LCP1: variants seen among roughly 807,000 people sequenced by gnomAD.
LCP1 encodes lymphocyte cytosolic protein 1, also known as plastin-2.
A neutral mutation model predicts 72.0 loss-of-function variants in LCP1; 23 were observed. That is an observed-to-expected ratio of 0.32 (90% CI 0.23 to 0.45). LCP1 has a LOEUF of 0.45. LCP1 is among the 20% of genes least tolerant of loss of function. The pLI is 1.00. For synonymous variants in LCP1, 245 were observed against 275.4 expected (o/e 0.89, Z 1.09); for missense variants, 571 against 748.3 (o/e 0.76, Z 2.76).
Position 46,143,280 on chromosome 13 carries a change from C to A in LCP1, c.1368+10G>T. On this transcript the variant is annotated intron_variant, in intron 12 of 15. Transcript: ENST00000323076. ...CTGTCTCCTGGAACAACAGAACCAT[C>A]ATTGTTTACCTTCTTCATATTGCCT... The A allele has an allele frequency of 6.3e-7, 1 of 1,585,642 alleles. No homozygotes were observed. Among genetic ancestry groups the A allele is most frequent in the South Asian group, 1.1e-5 (1 of 90,470 alleles).
Position 46,182,091 on chromosome 13 carries a change from A to G in LCP1, c.-25+20T>C, listed in dbSNP as rs2045958814. The G allele has an allele frequency of 6.6e-6, 1 of 152,260 alleles. No individual in the cohort carries two copies. The highest frequency in any genetic ancestry group is 1.5e-5 in the Non-Finnish European group (1 of 68,066). The allele number at this position is 152,260 out of a possible 1,614,324, so 9.4% of individuals were successfully genotyped here. A position where few individuals can be genotyped will look rare whatever the true frequency, so the allele number is the denominator to read the frequency against. On this transcript the variant is annotated intron_variant, in intron 1 of 15. Transcript: ENST00000323076. The stretch of plus-strand genomic sequence containing the variant: ...ATCACAAGCGCTTAAAACCAACAAA[A>G]ACACATGAAGAACATTTACCTTGCA...
intron 13 of LCP1, among the ~76,000 whole-genome samples, chr13:46,134,472 C>T (rs1245616835): frequency 6.6e-6 from 1 of 151,916 alleles, no homozygotes; most frequent in Non-Finnish European, 1.5e-5. Context: ...AAGCAGATAC[C>T]TCCTTTCTAA....
At position 46,148,406 on chromosome 13, in the gene LCP1, T is replaced by C; in HGVS notation, c.924A>G (p.Pro308=). 1 of 1,613,168 alleles carries C rather than the reference T, an allele frequency of 6.2e-7. No homozygotes were observed. Among genetic ancestry groups the C allele is most frequent in the Non-Finnish European group, 8.5e-7 (1 of 1,179,892 alleles). The change falls in exon 9 of 16, where the codon CCA becomes CCG. Residue 308 remains proline, a synonymous_variant. Coordinates refer to ENST00000323076, the MANE Select transcript of LCP1 (RefSeq NM_002298.5). ...AYYHLLEQVA[P]KGDEEGVPAV... is the part of the protein sequence containing the mutation. ...CAGGAACACCTTCTTCATCTCCTTT[T>C]GGAGCCACCTGCTCAAGCAGGTGGT...
chr13:46,154,707 G>A (rs560318764), intron 6 of LCP1, 98 bp downstream of exon 6: 15 of 943,000 alleles, frequency 1.6e-5, no homozygotes, highest in South Asian at 1.1e-4. Flanking sequence ...TGGGTTTTGC[G>A]AATGATGTCT....
intron 15 of LCP1, among the ~76,000 whole-genome samples, chr13:46,127,991 T>C (rs1403363938): frequency 7.0e-6 from 1 of 142,222 alleles, no homozygotes; most frequent in African/African-American, 2.6e-5. Context: ...TCCTGCCTTT[T>C]TTTTAAGTTA....
Position 46,148,411 on chromosome 13 carries a change from C to G in LCP1, c.919G>C (p.Ala307Pro). Reference protein sequence around the residue: ...KAYYHLLEQVAPKGDEEGVPA... With the variant: ...KAYYHLLEQVPPKGDEEGVPA... ...ACACCTTCTTCATCTCCTTTTGGAG[C>G]CACCTGCTCAAGCAGGTGGTAATAA... Residue 307 changes from alanine to proline, a missense_variant, in exon 9 of 16, where the codon GCT becomes CCT. Ala to Pro is a conservative substitution (Grantham distance 27). Coordinates refer to ENST00000323076, the MANE Select transcript of LCP1 (RefSeq NM_002298.5). 6.2e-7 allele frequency: 1 copy of G among 1,612,888 alleles called. No homozygotes were observed. The highest frequency in any genetic ancestry group is 2.2e-5 in the East Asian group (1 of 44,880).
Position 46,151,003 on chromosome 13 carries a change from C to G in LCP1, c.815G>C (p.Arg272Thr). ...MKLSPEELLL[R>T]WANYHLENAG... ...ATTTTCCAGGTGGTAATTAGCCCAC[C>G]TCAGCAAGAGCTCTTCAGGGGAGAG... The change falls in exon 8 of 16, where the codon AGG becomes ACG. Residue 272 changes from arginine to threonine, a missense_variant. By Grantham distance (71) the Arg-to-Thr change is moderately conservative (BLOSUM62 -1). Transcript: ENST00000323076. The G allele has an allele frequency of 1.9e-6, 3 of 1,614,028 alleles. No individual in the cohort carries two copies. Among genetic ancestry groups the G allele is most frequent in the Non-Finnish European group, 2.5e-6 (3 of 1,179,938 alleles).
Position 46,148,566 on chromosome 13 carries a change from A to G in LCP1, c.883-119T>C, listed in dbSNP as rs1295369053. The G allele has an allele frequency of 3.5e-5, 20 of 564,696 alleles. No homozygotes were observed. In the Admixed American group the frequency reaches 4.9e-4, roughly 14 times the overall value. 35.0% of individuals were successfully genotyped at this position (564,696 alleles called of 1,614,324 possible). ...ATATTCAGCTATCATTCCAGAATGTAACTTAACAAAGCTAGAAACATTCAC... is the reference window on the plus strand; with the variant it reads ...ATATTCAGCTATCATTCCAGAATGTGACTTAACAAAGCTAGAAACATTCAC... On this transcript the variant is annotated intron_variant, in intron 8 of 15. Coordinates refer to ENST00000323076, the MANE Select transcript of LCP1 (RefSeq NM_002298.5).
intron 1 of LCP1, among the ~76,000 whole-genome samples, chr13:46,177,924 T>A (rs202176950): frequency 6.6e-6 from 1 of 151,700 alleles, no homozygotes; most frequent in Admixed American, 6.6e-5. Flanking sequence ...ATAATTTGTT[T>A]ATAAAAGCAC....
At chr13:46,170,813 G>A (rs1256376165) in intron 1 of LCP1, among the ~76,000 whole-genome samples, 2 of 152,172 alleles carry the variant, frequency 1.3e-5, no homozygotes, top group Non-Finnish European at 2.9e-5. Flanking sequence ...GCTTTGGCCT[G>A]TTGAGTAGGG....
chr13:46,142,844 A>G (rs1443991361), intron 12 of LCP1: 2 of 441,908 alleles, frequency 4.5e-6, no homozygotes, highest in African/African-American at 2.0e-5. Context: ...CTACGCATGG[A>G]TCATTAACAG....
In LCP1 at chr13:46,157,732, A is replaced by G. The variant is rs115682109; in HGVS notation, c.358+790T>C. ...TAGCAACTATAGATGGTATTTAATC[A>G]TGACTTATCTTTTTTTTTTTTTTTT... On this transcript the variant is annotated intron_variant, in intron 4 of 15. Coordinates refer to ENST00000323076, the MANE Select transcript of LCP1 (RefSeq NM_002298.5). 5.8e-3 allele frequency among the ~76,000 whole-genome samples: 860 copies of G among 148,932 alleles called. 6 individuals are homozygous for G. Among genetic ancestry groups the G allele is most frequent in the African/African-American group, 0.021 (830 of 40,192 alleles).
chr13:46,138,597 G>A (rs1303274309), intron 13 of LCP1, among the ~76,000 whole-genome samples: 6 of 152,104 alleles, frequency 3.9e-5, no homozygotes, highest in East Asian at 1.9e-4. Context: ...ATTGCAAGAC[G>A]TTTTTCAGAT....
chr13:46,150,813 C>T, intron 8 of LCP1, 123 bp downstream of exon 8: 1 of 1,108,430 alleles, frequency 9.0e-7, no homozygotes, highest in Non-Finnish European at 1.3e-6. Context: ...ACCTCCAAAA[C>T]AGCACCAGAC....
At chr13:46,179,984 CTCTT>C (rs1287123330) in intron 1 of LCP1, among the ~76,000 whole-genome samples, 2 of 151,570 alleles carry the variant, frequency 1.3e-5, no homozygotes, top group Admixed American at 6.6e-5. Context: ...CTCTCTCTCT[CTCTT>C]CTTTCTCTTG....
intron 1 of LCP1, among the ~76,000 whole-genome samples, chr13:46,164,126 A>C (rs552356828): frequency 6.6e-6 from 1 of 152,228 alleles, no homozygotes; most frequent in South Asian, 2.1e-4. Flanking sequence ...GAGGACAAAC[A>C]AGATCTCTGA....
intron 1 of LCP1, among the ~76,000 whole-genome samples, chr13:46,162,646 G>T (rs1030168959): frequency 6.6e-6 from 1 of 152,088 alleles, no homozygotes; most frequent in African/African-American, 2.4e-5. Context: ...ATCTCGGCTA[G>T]CTACAACCTC....
Position 46,125,978 on chromosome 13 carries a change from A to T in LCP1, c.*1613T>A, listed in dbSNP as rs2045595872. 1 of 193,748 alleles carries T rather than the reference A, an allele frequency of 5.2e-6. No homozygotes were observed. Among genetic ancestry groups the T allele is most frequent in the African/African-American group, 2.3e-5 (1 of 43,166 alleles). The allele number at this position is 193,748 out of a possible 1,614,324, so 12.0% of individuals were successfully genotyped here. Reference sequence around the variant, plus strand: ...GAGCATCATTCTCTTTTCATTTTTTATTAAGGCAGTAACATTCTTTCTTCC... The same window carrying T: ...GAGCATCATTCTCTTTTCATTTTTTTTTAAGGCAGTAACATTCTTTCTTCC... On this transcript the variant is annotated 3_prime_UTR_variant, in exon 16 of 16. Coordinates refer to ENST00000323076, the MANE Select transcript of LCP1 (RefSeq NM_002298.5).
At chr13:46,176,390 T>C (rs2045930600) in intron 1 of LCP1, among the ~76,000 whole-genome samples, 1 of 152,204 alleles carries the variant, frequency 6.6e-6, no homozygotes, top group Admixed American at 6.5e-5. Context: ...CTATATTGAA[T>C]GCACACACAT....
Sources: gnomAD v4.1 joint callset for allele counts (sites outside exome capture counted in the v4.1 genomes callset) on GRCh38, gnomAD v4.1.1 for gene constraint, MANE v1.5 for transcripts, NCBI Gene and HGNC (gene_info 2026-07-23, HGNC 2026-07-21) for gene names.